The following FANCA variants were observed in gnomAD, a reference collection of about 807,000 sequenced individuals.
The protein encoded by FANCA is Fanconi anemia group A protein.
Under a neutral mutation model 194.3 loss-of-function variants are expected in FANCA, and 236 were observed. The observed-to-expected ratio is 1.21, with a 90% confidence interval of 1.09 to 1.35. The LOEUF (loss-of-function observed/expected upper bound fraction) is 1.35. Among genes scored for constraint, FANCA ranks in the 40% most tolerant of loss-of-function variants. FANCA has a pLI of 0.00. For synonymous variants in FANCA, 1,014 were observed against 715.8 expected (o/e 1.42, Z -6.65); for missense variants, 2,628 against 1,813.9 (o/e 1.45, Z -8.15).
rs759514393 is a variant in FANCA at position 89,740,815 on chromosome 16, G to C, written c.3817C>G (p.Leu1273Val). The change falls in exon 38 of 43, where the codon CTG (leucine) becomes GTG (valine). Residue 1273 changes from leucine (L) to valine (V), a missense_variant. Coordinates refer to ENST00000389301, the MANE Select transcript of FANCA (RefSeq NM_000135.4). ...FSLMGLLSSHLTSNSTTDLPK... is the reference protein window; with the variant it reads ...FSLMGLLSSHVTSNSTTDLPK... ...AAGGTCTGACTTACATTTGAGGTCA[G>C]ATGTGACGACAGCAGGCCCATCAAG... 3 of 1,613,624 alleles carry C rather than the reference G, an allele frequency of 1.9e-6. No homozygotes were observed. The highest frequency in any genetic ancestry group is 1.1e-5 in the South Asian group (1 of 90,996).
intron 31 of FANCA, among the ~76,000 whole-genome samples, chr16:89,750,207 C>T (rs1010686226): frequency 1.3e-5 from 2 of 151,954 alleles, no homozygotes; most frequent in Admixed American, 1.3e-4. Context: ...AACAGCTGGG[C>T]GTGGTGGCTC....
chr16:89,742,762 G>T, intron 37 of FANCA, 38 bp downstream of exon 37: 1 of 1,606,832 alleles, frequency 6.2e-7, no homozygotes. Flanking sequence ...AACCAAGCTT[G>T]CGAGAAAATA....
intron 17 of FANCA, 81 bp from the exon 18 acceptor site, chr16:89,780,038 T>C: frequency 1.6e-6 from 2 of 1,234,860 alleles, no homozygotes; most frequent in East Asian, 2.3e-5. Flanking sequence ...ACACTCAACC[T>C]GTGCTTCCTT....
chr16:89,781,212 A>G (rs1161605479), intron 17 of FANCA, among the ~76,000 whole-genome samples: 3 of 151,144 alleles, frequency 2.0e-5, no homozygotes, highest in African/African-American at 4.9e-5. Flanking sequence ...AAAACACACA[A>G]AATTAGCCTG....
intron 14 of FANCA, among the ~76,000 whole-genome samples, chr16:89,788,091 T>C (rs1019845512): frequency 1.1e-4 from 17 of 152,062 alleles, no homozygotes; most frequent in Admixed American, 5.2e-4. Flanking sequence ...CAGGGTGGTC[T>C]TGAACTACTG....
chr16:89,772,186 G>C (rs757951018), intron 22 of FANCA, among the ~76,000 whole-genome samples: 1 of 152,232 alleles, frequency 6.6e-6, no homozygotes, highest in Admixed American at 6.5e-5. Flanking sequence ...GCCACACATA[G>C]CCCAACTACA....
chr16:89,785,794 C>A (rs2039873647), intron 14 of FANCA, among the ~76,000 whole-genome samples: 2 of 151,818 alleles, frequency 1.3e-5, no homozygotes, highest in Admixed American at 1.3e-4. Flanking sequence ...ATCAGGAAAC[C>A]TGAACTCCAA....
intron 20 of FANCA, among the ~76,000 whole-genome samples, chr16:89,777,676 T>C (rs1436888873): frequency 1.3e-5 from 2 of 152,104 alleles, no homozygotes; most frequent in Non-Finnish European, 2.9e-5. Flanking sequence ...TCTTCCAAAG[T>C]TGGTTGATAC....
chr16:89,778,190 C>T (rs564123279), intron 20 of FANCA, among the ~76,000 whole-genome samples: 58 of 137,038 alleles, frequency 4.2e-4, no homozygotes, highest in African/African-American at 1.4e-3. Context: ...AGGCCAGGAG[C>T]GGTGGCTCAC....
At chr16:89,778,529 G>A in intron 20 of FANCA, 1 of 412,374 alleles carries the variant, frequency 2.4e-6, no homozygotes, top group South Asian at 2.4e-5. Flanking sequence ...TCAGGAGGCT[G>A]AAGCAAGAGA....
chr16:89,792,845 G>C, intron 11 of FANCA: 2 of 383,576 alleles, frequency 5.2e-6, no homozygotes, highest in South Asian at 2.1e-5. Context: ...GATAGGTAAG[G>C]TCACGTGTCC....
intron 8 of FANCA, among the ~76,000 whole-genome samples, chr16:89,801,901 A>G (rs915939108): frequency 1.4e-4 from 21 of 152,214 alleles, no homozygotes; most frequent in African/African-American, 4.8e-4. Flanking sequence ...AAAACACAAA[A>G]AAACAAAAAA....
intron 8 of FANCA, among the ~76,000 whole-genome samples, chr16:89,800,404 C>G (rs2040403448): frequency 6.6e-6 from 1 of 152,228 alleles, no homozygotes; most frequent in African/African-American, 2.4e-5. Flanking sequence ...ACAAAGCCCA[C>G]AGACTGCAGT....
At chr16:89,790,001 T>G (rs1185427318) in intron 14 of FANCA, among the ~76,000 whole-genome samples, 27 of 152,088 alleles carry the variant, frequency 1.8e-4, no homozygotes, top group African/African-American at 6.3e-4. Context: ...CAGGAACAGC[T>G]GCATAAACTT....
chr16:89,742,112 G>T (rs2062147627), intron 37 of FANCA, among the ~76,000 whole-genome samples: 1 of 151,950 alleles, frequency 6.6e-6, no homozygotes, highest in Non-Finnish European at 1.5e-5. Flanking sequence ...CAGGCTATGG[G>T]ATTGTAGGTG....
rs1325174018 is a variant in FANCA at position 89,739,637 on chromosome 16, TGTACCCTGGGAG to T, written c.3935-96_3935-85del. 1.2e-4 allele frequency: 181 copies of T among 1,518,272 alleles called. 5 individuals carry two copies. The South Asian group carries it at 2.0e-3, about 17-fold the overall frequency. 94.1% of individuals were successfully genotyped at this position (1,518,272 alleles called of 1,614,324 possible). On this transcript the variant is annotated intron_variant, in intron 39 of 42. Transcript: ENST00000389301. The stretch of plus-strand genomic sequence containing the variant: ...GGGGACACCCCTGGGGGTCGGGACG[TGTACCCTGGGAG>T]GCCTGGCTGTGGGGATAGTGTGGGG...
At chr16:89,742,218 C>A (rs2062150567) in intron 37 of FANCA, among the ~76,000 whole-genome samples, 2 of 152,054 alleles carry the variant, frequency 1.3e-5, no homozygotes, top group African/African-American at 4.8e-5. Context: ...ACCAAGTGAT[C>A]CGCCTGCCTC....
intron 6 of FANCA, among the ~76,000 whole-genome samples, chr16:89,805,670 A>T (rs1336267693): frequency 6.6e-6 from 1 of 152,102 alleles, no homozygotes; most frequent in African/African-American, 2.4e-5. Context: ...TCCCGGGCTC[A>T]AAACAATCTC....
intron 18 of FANCA, among the ~76,000 whole-genome samples, chr16:89,779,224 C>A (rs902365378): frequency 1.3e-5 from 2 of 152,140 alleles, no homozygotes; most frequent in Admixed American, 6.6e-5. Context: ...ATTCGGCCTG[C>A]TCCCTGGGCT....
Sources: gnomAD v4.1 joint callset for allele counts (sites outside exome capture counted in the v4.1 genomes callset) on GRCh38, gnomAD v4.1.1 for gene constraint, MANE v1.5 for transcripts, NCBI Gene and HGNC (gene_info 2026-07-23, HGNC 2026-07-21) for gene names.